TPRG1: variants seen among roughly 807,000 people sequenced by gnomAD.
TPRG1 encodes the protein tumor protein p63 regulated 1.
Under a neutral mutation model 29.3 loss-of-function variants are expected in TPRG1, and 29 were observed. The observed-to-expected ratio is 0.99, with a 90% CI of 0.74 to 1.35. The LOEUF is 1.35. Among genes scored for constraint, TPRG1 ranks in the 40% most tolerant of loss-of-function variants. The pLI, the probability that TPRG1 is intolerant of heterozygous loss-of-function variation, is 0.00. For synonymous variants in TPRG1, 130 were observed against 116.8 expected, an observed-to-expected ratio of 1.11 and a Z score of -0.73; for missense variants, 327 against 335.0, an observed-to-expected ratio of 0.98 and a Z score of 0.19.
intron 4 of TPRG1, among the ~76,000 whole-genome samples, chr3:189,041,869 G>A (rs1173598884): frequency 1.3e-5 from 2 of 152,192 alleles, no homozygotes; most frequent in Admixed American, 6.5e-5. Context: ...TCCTTAGGAT[G>A]TTGAACGTAA....
intron 1 of TPRG1, among the ~76,000 whole-genome samples, chr3:189,198,216 A>C (rs182911544): frequency 5.5e-4 from 83 of 152,268 alleles, no homozygotes; most frequent in Admixed American, 7.9e-4. Flanking sequence ...TTTGCCTGGA[A>C]CATCCTCCAC....
intron 1 of TPRG1, among the ~76,000 whole-genome samples, chr3:189,181,129 T>C (rs1446060401): frequency 6.6e-6 from 1 of 152,160 alleles, no homozygotes. Context: ...TGCACAAGGA[T>C]GGAGACCCTG....
intron 3 of TPRG1, among the ~76,000 whole-genome samples, chr3:189,219,350 A>G (rs771698053): frequency 1.3e-5 from 2 of 152,182 alleles, no homozygotes; most frequent in Non-Finnish European, 2.9e-5. Context: ...CCTAAACCTC[A>G]GCTAGATCCC....
At chr3:189,279,008 T>C (rs1345008600) in intron 4 of TPRG1, among the ~76,000 whole-genome samples, 1 of 152,208 alleles carries the variant, frequency 6.6e-6, no homozygotes, top group Non-Finnish European at 1.5e-5. Context: ...GTTGTTCTAG[T>C]GGTGGAGGTA....
chr3:189,302,287 A>G (rs764038440), intron 4 of TPRG1, among the ~76,000 whole-genome samples: 7 of 152,186 alleles, frequency 4.6e-5, no homozygotes, highest in African/African-American at 7.2e-5. Flanking sequence ...GAATGAATGA[A>G]GCCTTTTTTG....
intron 3 of TPRG1, among the ~76,000 whole-genome samples, chr3:189,228,083 T>C (rs1221186530): frequency 6.6e-6 from 1 of 152,134 alleles, no homozygotes; most frequent in Non-Finnish European, 1.5e-5. Flanking sequence ...ATCGCCCCAC[T>C]GCACTCCAGC....
chr3:189,221,267 G>A (rs1396110891), intron 3 of TPRG1, among the ~76,000 whole-genome samples: 5 of 152,154 alleles, frequency 3.3e-5, no homozygotes, highest in South Asian at 4.2e-4. Flanking sequence ...TCTGAGGTAG[G>A]AAACATTACC....
At chr3:189,190,984 CAGGT>C (rs971958404) in intron 1 of TPRG1, 221 of 985,264 alleles carry the variant, frequency 2.2e-4, no homozygotes, top group Non-Finnish European at 2.6e-4. Context: ...GCGAATATCA[CAGGT>C]AGGTCTTTTA....
intron 4 of TPRG1, among the ~76,000 whole-genome samples, chr3:189,272,727 CCTTCCT>C (rs1715423525): frequency 6.9e-6 from 1 of 144,188 alleles, no homozygotes; most frequent in Non-Finnish European, 1.5e-5. Flanking sequence ...TTCCTTCCTT[CCTTCCT>C]TCCTTCCTTC....
intron 5 of TPRG1, chr3:189,315,801 CTGATTTTGCCCTACAGATACT>C (rs1723418471): frequency 5.4e-6 from 1 of 184,544 alleles, no homozygotes; most frequent in Admixed American, 6.1e-5. Flanking sequence ...AAGAATAAAA[CTGATTTTGCCCTACAGATACT>C]TACGGCGTAG....
chr3:189,316,716 G>A (rs965157374), intron 5 of TPRG1, among the ~76,000 whole-genome samples: 2 of 152,184 alleles, frequency 1.3e-5, no homozygotes, highest in African/African-American at 4.8e-5. Flanking sequence ...CACAGCCCCT[G>A]TGTAACTGGA....
At chr3:189,029,595 T>C (rs1192057211) in intron 4 of TPRG1, among the ~76,000 whole-genome samples, 1 of 152,172 alleles carries the variant, frequency 6.6e-6, no homozygotes, top group Non-Finnish European at 1.5e-5. Context: ...AGAAGCTGGA[T>C]TCTAAATTTA....
chr3:189,176,238 C>T (rs1020493), intron 1 of TPRG1, among the ~76,000 whole-genome samples: 74,600 of 152,020 alleles, frequency 0.49, 18,460 homozygotes, highest in South Asian at 0.55. Flanking sequence ...CAGAGTTCTG[C>T]GCCTCAAGAG....
chr3:189,265,247 T>C (rs1713857295), intron 4 of TPRG1, among the ~76,000 whole-genome samples: 1 of 151,924 alleles, frequency 6.6e-6, no homozygotes, highest in African/African-American at 2.4e-5. Context: ...GTAAAGGGAG[T>C]CCCCTCTTCT....
intron 4 of TPRG1, among the ~76,000 whole-genome samples, chr3:189,037,964 G>A (rs931065845): frequency 4.0e-5 from 6 of 150,246 alleles, no homozygotes; most frequent in African/African-American, 1.5e-4. Context: ...CATGGATGGG[G>A]CAACTTAGTA....
intron 4 of TPRG1, among the ~76,000 whole-genome samples, chr3:189,303,576 A>G (rs1046604749): frequency 1.3e-5 from 2 of 152,192 alleles, no homozygotes; most frequent in African/African-American, 4.8e-5. Context: ...TTACTACCAT[A>G]ACATGTAACA....
At chr3:189,094,892 G>A (rs1290022462) in intron 4 of TPRG1, among the ~76,000 whole-genome samples, 1 of 152,126 alleles carries the variant, frequency 6.6e-6, no homozygotes, top group East Asian at 1.9e-4. Flanking sequence ...GTCGAGGCAG[G>A]GAGCAGGCCC....
intron 4 of TPRG1, among the ~76,000 whole-genome samples, chr3:189,038,727 A>G (rs891564943): frequency 6.6e-6 from 1 of 151,922 alleles, no homozygotes; most frequent in African/African-American, 2.4e-5. Context: ...TTTAAAACTG[A>G]CAAGGGATTA....
intron 1 of TPRG1, among the ~76,000 whole-genome samples, chr3:189,110,225 C>A (rs957829294): frequency 5.5e-4 from 83 of 152,192 alleles, no homozygotes; most frequent in African/African-American, 1.9e-3. Context: ...GCATTCTCAT[C>A]AACAATGTAT....
Sources: allele counts gnomAD v4.1 joint callset (sites outside exome capture counted in the v4.1 genomes callset), GRCh38; gene constraint gnomAD v4.1.1; transcripts MANE v1.5; gene names NCBI Gene and HGNC (gene_info 2026-07-23, HGNC 2026-07-21).